The following XYLB variants were observed in gnomAD, a reference collection of about 807,000 sequenced individuals.
XYLB encodes the protein xylulokinase.
Under a neutral mutation model 78.7 loss-of-function variants are expected in XYLB, and 62 were observed. The ratio of observed to expected loss-of-function variants is 0.79; its 90% CI spans 0.64 to 0.97. The LOEUF (loss-of-function observed/expected upper bound fraction) is 0.97, where lower values mean the gene tolerates loss of function less well. Among genes scored for constraint, XYLB ranks in the 50% least tolerant of loss-of-function variants. The probability of loss-of-function intolerance (pLI) is 0.00; values close to 1 mark genes in which losing one functional copy is unlikely to be tolerated. For missense variants in XYLB, 687 were observed against 676.8 expected (o/e 1.02, Z -0.17); for synonymous variants, 245 against 247.4 (o/e 0.99, Z 0.09).
chr3:38,417,204 G>A (rs1708825102), downstream of XYLB, among the ~76,000 whole-genome samples: 2 of 152,184 alleles, frequency 1.3e-5, no homozygotes, highest in South Asian at 2.1e-4. Flanking sequence ...GGGAGGCTGA[G>A]GCAGGTGGAT....
chr3:38,412,900 C>T, intron 18 of XYLB, 36 bp from the exon 19 acceptor site: 5 of 1,559,376 alleles, frequency 3.2e-6, no homozygotes, highest in Non-Finnish European at 4.4e-6. Context: ...AGGCATTTTC[C>T]CCCTCTGTTC....
chr3:38,437,005 A>AAATAAAAAT, the XYLB span, among the ~76,000 whole-genome samples: 2 of 134,806 alleles, frequency 1.5e-5, no homozygotes, highest in East Asian at 2.1e-4. Context: ...CTCCTTCTAA[A>AAATAAAAAT]AATAATAATA....
intron 18 of XYLB, among the ~76,000 whole-genome samples, chr3:38,401,467 G>A (rs1034860676): frequency 2.0e-5 from 3 of 152,124 alleles, no homozygotes; most frequent in Non-Finnish European, 2.9e-5. Flanking sequence ...TATGGGAGTC[G>A]GGGGAGTTGC....
At chr3:38,447,051 A>G in the XYLB span, among the ~76,000 whole-genome samples, 1 of 152,234 alleles carries the variant, frequency 6.6e-6, no homozygotes, top group Non-Finnish European at 1.5e-5. Flanking sequence ...AGAATATACA[A>G]GGAACTCAAA....
chr3:38,444,441 GTCC>G, the XYLB span, among the ~76,000 whole-genome samples: 1 of 152,158 alleles, frequency 6.6e-6, no homozygotes, highest in Non-Finnish European at 1.5e-5. Flanking sequence ...AAGCTGAGAG[GTCC>G]TCCTGTGGAA....
the XYLB span, among the ~76,000 whole-genome samples, chr3:38,446,901 A>G: frequency 6.6e-6 from 1 of 152,212 alleles, no homozygotes; most frequent in South Asian, 2.1e-4. Flanking sequence ...CAGGCCATAA[A>G]CACAAAAATA....
At position 38,397,175 on chromosome 3, in the gene XYLB, G is replaced by C; in HGVS notation, c.1438+16G>C. ...GCTTTTCATGGTAGGTTGATGGAGGGAGACAGCTATCTCTGGAAGTGGCCA... is the reference window on the plus strand; with the variant it reads ...GCTTTTCATGGTAGGTTGATGGAGGCAGACAGCTATCTCTGGAAGTGGCCA... On this transcript the variant is annotated intron_variant, in intron 17 of 18. Coordinates refer to ENST00000207870, the MANE Select transcript of XYLB (RefSeq NM_005108.4). The C allele has an allele frequency of 6.2e-7, 1 of 1,613,368 alleles. No individual in the cohort carries two copies. The highest frequency in any genetic ancestry group is 8.5e-7 in the Non-Finnish European group (1 of 1,179,312).
intron 15 of XYLB, among the ~76,000 whole-genome samples, chr3:38,389,089 CG>C (rs1707528918): frequency 1.4e-5 from 2 of 146,734 alleles, no homozygotes; most frequent in South Asian, 4.5e-4. Flanking sequence ...GAGGACCCTG[CG>C]GCCTTCCGCA....
At chr3:38,358,552 C>T (rs1040867154) in intron 2 of XYLB, among the ~76,000 whole-genome samples, 1 of 151,904 alleles carries the variant, frequency 6.6e-6, no homozygotes, top group Non-Finnish European at 1.5e-5. Context: ...CCATATTGGC[C>T]AGGTTGGTCT....
chr3:38,373,858 A>G (rs889646848), intron 10 of XYLB, among the ~76,000 whole-genome samples: 2 of 152,090 alleles, frequency 1.3e-5, no homozygotes, highest in African/African-American at 4.8e-5. Flanking sequence ...AGGCAGATAA[A>G]GATTGCTGTT....
chr3:38,346,800 A>G lies in XYLB; in HGVS notation c.-69A>G. ...GGGCCCCTGCGTCTCTGGGCGCTGG[A>G]GCGCGGCGACTATCACGCCGCGTGG... On this transcript the variant is annotated 5_prime_UTR_variant, in exon 1 of 19. Coordinates refer to ENST00000207870, the MANE Select transcript of XYLB (RefSeq NM_005108.4). 1 of 1,423,194 alleles carries G rather than the reference A, an allele frequency of 7.0e-7. No individual in the cohort carries two copies. The highest frequency in any genetic ancestry group is 9.3e-7 in the Non-Finnish European group (1 of 1,078,218). 88.2% of individuals were successfully genotyped at this position (1,423,194 alleles called of 1,614,324 possible). A position where few individuals can be genotyped will look rare whatever the true frequency, so the allele number is the denominator to read the frequency against.
chr3:38,392,586 C>T (rs936432032), intron 15 of XYLB, among the ~76,000 whole-genome samples: 11 of 152,184 alleles, frequency 7.2e-5, no homozygotes, highest in South Asian at 2.1e-4. Context: ...CGTGAGCCAC[C>T]GTGCCTGGCC....
chr3:38,409,342 C>T (rs9861852), intron 18 of XYLB, among the ~76,000 whole-genome samples: 17,823 of 152,198 alleles, frequency 0.12, 1,673 homozygotes, highest in African/African-American at 0.26. Context: ...AACAATGCTT[C>T]ATGCTAAAAA....
At position 38,395,579 on chromosome 3, in the gene XYLB, G is replaced by A; in HGVS notation, c.1350+16G>A. The stretch of plus-strand genomic sequence containing the variant: ...AATCTTACAGGTAAGCGTTAGTAGT[G>A]GGCCTTACACCATGGCCTCTCCCAT... On this transcript the variant is annotated intron_variant, in intron 16 of 18. Transcript: ENST00000207870. 6.2e-7 allele frequency: 1 copy of A among 1,613,558 alleles called. No homozygotes were observed. Among genetic ancestry groups the A allele is most frequent in the Non-Finnish European group, 8.5e-7 (1 of 1,179,452 alleles).
chr3:38,376,172 T>A lies in XYLB; in HGVS notation c.1060T>A (p.Ser354Thr). ...GATCCGCAACGAGTCTGTATCCCGT[T>A]CCTGGAGCGATTTCTCTAAGGCACT... ...EKIRNESVSRSWSDFSKALQS... is the reference protein window; with the variant it reads ...EKIRNESVSRTWSDFSKALQS... The change falls in exon 13 of 19, where the codon TCC (serine) becomes ACC (threonine). Residue 354 changes from serine (S) to threonine (T), a missense_variant. Coordinates refer to ENST00000207870, the MANE Select transcript of XYLB (RefSeq NM_005108.4). 6.2e-7 allele frequency: 1 copy of A among 1,614,162 alleles called. No individual in the cohort carries two copies. The highest frequency in any genetic ancestry group is 8.5e-7 in the Non-Finnish European group (1 of 1,180,030).
intron 18 of XYLB, among the ~76,000 whole-genome samples, chr3:38,403,841 G>C (rs1708211979): frequency 6.6e-6 from 1 of 152,106 alleles, no homozygotes. Context: ...GCCTGCCCAT[G>C]GCCGAAATCA....
chr3:38,452,305 T>A, the XYLB span: 1 of 152,220 alleles, frequency 6.6e-6, no homozygotes, highest in Non-Finnish European at 1.5e-5. Context: ...AAGGGACTTT[T>A]AAAGACCCAG....
Position 38,397,121 on chromosome 3 carries a change from A to G in XYLB, c.1400A>G (p.Asn467Ser). The G allele has an allele frequency of 6.2e-7, 1 of 1,614,004 alleles. No individual in the cohort carries two copies. The highest frequency in any genetic ancestry group is 1.6e-4 in the Middle Eastern group (1 of 6,062). ...CCGGTGTATGTTATAGACACTGCCAACTCGGCCTGTGTGGGTTCTGCATAC... is the reference window on the plus strand; with the variant it reads ...CCGGTGTATGTTATAGACACTGCCAGCTCGGCCTGTGTGGGTTCTGCATAC... ...DAPVYVIDTA[N>S]SACVGSAYRA... Residue 467 changes from asparagine (N) to serine (S), a missense_variant, in exon 17 of 19, where the codon AAC becomes AGC. By Grantham distance (46) the Asn-to-Ser change is conservative (BLOSUM62 1). Coordinates refer to ENST00000207870, the MANE Select transcript of XYLB (RefSeq NM_005108.4).
At chr3:38,446,181 T>C in the XYLB span, among the ~76,000 whole-genome samples, 1 of 152,210 alleles carries the variant, frequency 6.6e-6, no homozygotes, top group East Asian at 1.9e-4. Flanking sequence ...CTATGTCCTG[T>C]TGATTGGTCC....
Sources: allele counts gnomAD v4.1 joint callset (sites outside exome capture counted in the v4.1 genomes callset), GRCh38; gene constraint gnomAD v4.1.1; transcripts MANE v1.5; gene names NCBI Gene and HGNC (gene_info 2026-07-23, HGNC 2026-07-21).